The following GCSH variants were observed in gnomAD, a reference collection of about 807,000 sequenced individuals.
GCSH encodes glycine cleavage system H protein, mitochondrial.
GCSH carries 15 observed loss-of-function variants against 21.3 expected under a neutral mutation model. The observed-to-expected ratio is 0.70, with a 90% CI of 0.47 to 1.08. The LOEUF is 1.08. Among genes scored for constraint, GCSH ranks in the 50% least tolerant of loss-of-function variants. The probability of loss-of-function intolerance (pLI) is 0.00; values close to 1 mark genes in which losing one functional copy is unlikely to be tolerated. For synonymous variants in GCSH, 59 were observed against 84.5 expected, an observed-to-expected ratio of 0.70 and a Z score of 1.66; for missense variants, 179 against 217.5, an observed-to-expected ratio of 0.82 and a Z score of 1.11.
At chr16:81,094,133 C>T (rs953108644) in intron 1 of GCSH, among the ~76,000 whole-genome samples, 1 of 151,992 alleles carries the variant, frequency 6.6e-6, no homozygotes, top group Non-Finnish European at 1.5e-5. Flanking sequence ...CTCCTGACCT[C>T]AGGTGATCCG....
chr16:81,086,656 T>C (rs1972287035), intron 3 of GCSH, among the ~76,000 whole-genome samples: 2 of 137,506 alleles, frequency 1.5e-5, no homozygotes, highest in South Asian at 4.7e-4. Context: ...ATGACGAACA[T>C]GTCTCAAATC....
intron 1 of GCSH, among the ~76,000 whole-genome samples, chr16:81,093,368 G>A (rs934728600): frequency 6.6e-6 from 1 of 152,056 alleles, no homozygotes; most frequent in African/African-American, 2.4e-5. Flanking sequence ...TTGCCTACCT[G>A]TGAAGATAAT....
intron 1 of GCSH, among the ~76,000 whole-genome samples, chr16:81,094,976 C>A (rs932768238): frequency 6.6e-6 from 1 of 151,914 alleles, no homozygotes; most frequent in Non-Finnish European, 1.5e-5. Context: ...GCCAGTGAAC[C>A]CAGCTACTCG....
chr16:81,087,379 G>A (rs1054825344), intron 3 of GCSH, among the ~76,000 whole-genome samples: 1 of 151,992 alleles, frequency 6.6e-6, no homozygotes, highest in African/African-American at 2.4e-5. Flanking sequence ...AAAATTAGCT[G>A]GGCGTGGTGG....
chr16:81,088,573 A>G (rs1972331443), intron 2 of GCSH, among the ~76,000 whole-genome samples: 1 of 152,058 alleles, frequency 6.6e-6, no homozygotes, highest in Non-Finnish European at 1.5e-5. Context: ...TAATTTTTTA[A>G]AATTTTTTGC....
At chr16:81,094,178 G>A (rs574940371) in intron 1 of GCSH, among the ~76,000 whole-genome samples, 1 of 152,258 alleles carries the variant, frequency 6.6e-6, no homozygotes, top group South Asian at 2.1e-4. Flanking sequence ...GGGATTAAAG[G>A]CATGAGCCAC....
chr16:81,090,415 T>C (rs1189269678), intron 2 of GCSH, among the ~76,000 whole-genome samples, 186 bp downstream of exon 2: 3 of 151,542 alleles, frequency 2.0e-5, no homozygotes, highest in African/African-American at 4.9e-5. Context: ...AGAGACGGGG[T>C]CTCACTTTGT....
In GCSH at chr16:81,093,013, T is replaced by C. The variant is rs1244129061; in HGVS notation, c.149-2333A>G. On this transcript the variant is annotated intron_variant, in intron 1 of 4. Transcript: ENST00000315467. ...CAGGTGTAGTGGTACACGCCTATAATCCTAGCTACTTGGGAGGCTGAGGCA... is the reference window on the plus strand; with the variant it reads ...CAGGTGTAGTGGTACACGCCTATAACCCTAGCTACTTGGGAGGCTGAGGCA... Among the ~76,000 whole-genome samples, 11 of 151,666 alleles carry C rather than the reference T, an allele frequency of 7.3e-5. No homozygotes were observed. In the East Asian group the frequency reaches 2.1e-3, roughly 29 times the overall value.
chr16:81,093,462 G>A (rs1972439717), intron 1 of GCSH, among the ~76,000 whole-genome samples: 1 of 152,140 alleles, frequency 6.6e-6, no homozygotes, highest in Admixed American at 6.6e-5. Flanking sequence ...TTAACAAGGA[G>A]CAGTTAGTGT....
rs1009857601 is a variant in GCSH at position 81,087,605 on chromosome 16, T to C, written c.288A>G (p.Lys96=). ...SLPEVGTKLN[K]QDEFGALESV... ...TAAGATCCTAAGAACACTCACCTTG[T>C]TTGTTCAATTTTGTCCCAACTTCAG... The change falls in exon 3 of 5, where the codon AAA becomes AAG. Residue 96 remains lysine, a synonymous_variant. Transcript: ENST00000315467. The C allele has an allele frequency of 5.6e-6, 9 of 1,596,918 alleles. No homozygotes were observed. The highest frequency in any genetic ancestry group is 7.7e-6 in the Non-Finnish European group (9 of 1,164,938).
chr16:81,096,313 T>A lies in GCSH; in HGVS notation c.-35A>T, dbSNP rs1420443373. On this transcript the variant is annotated 5_prime_UTR_variant, in exon 1 of 5. Transcript: ENST00000315467. ...GGTGCGGGGGTCGCAGCGCTACGCC[T>A]CGGCCACCCGCGCCGGGAGGCGGGG... 2 of 1,347,592 alleles carry A rather than the reference T, an allele frequency of 1.5e-6. No homozygotes were observed. Among genetic ancestry groups the A allele is most frequent in the African/African-American group, 3.1e-5 (2 of 64,682 alleles). The allele number at this position is 1,347,592 out of a possible 1,614,324, so 83.5% of individuals were successfully genotyped here. A position where few individuals can be genotyped will look rare whatever the true frequency, so the allele number is the denominator to read the frequency against.
At chr16:81,083,251 C>A in intron 4 of GCSH, 1 of 386,934 alleles carries the variant, frequency 2.6e-6, no homozygotes, top group South Asian at 2.3e-5. Context: ...GGCACGGTGG[C>A]TCATGCCTGT....
At chr16:81,090,815 G>C (rs1972384183) in intron 1 of GCSH, 135 bp from the exon 2 acceptor site, 2 of 715,620 alleles carry the variant, frequency 2.8e-6, no homozygotes, top group South Asian at 1.5e-5. Context: ...ATAGTGCATG[G>C]CTCAGGAAAG....
At position 81,084,612 on chromosome 16, in the gene GCSH, T is replaced by G. The variant is rs777188515; in HGVS notation, c.293-18A>C. ...AAACTCATCTAAGTGGAAAAAAAAT[T>G]AAAGAAAACATGAAATGTTAAAAGT... is the stretch of plus-strand genomic sequence containing the variant. On this transcript the variant is annotated intron_variant, in intron 3 of 4. Coordinates refer to ENST00000315467, the MANE Select transcript of GCSH (RefSeq NM_004483.5). 1 of 1,585,870 alleles carries G rather than the reference T, an allele frequency of 6.3e-7. No individual in the cohort carries two copies. The highest frequency in any genetic ancestry group is 2.2e-5 in the East Asian group (1 of 44,526).
intron 3 of GCSH, among the ~76,000 whole-genome samples, chr16:81,085,533 G>C (rs1226615253): frequency 2.6e-5 from 4 of 152,126 alleles, no homozygotes; most frequent in African/African-American, 9.7e-5. Context: ...GAAAACTTTA[G>C]AATGTTCCAG....
At chr16:81,084,683 A>T in intron 3 of GCSH, 89 bp from the exon 4 acceptor site, 1 of 931,946 alleles carries the variant, frequency 1.1e-6, no homozygotes, top group Non-Finnish European at 1.7e-6. Context: ...TTCCTGTCAT[A>T]CAGCTATGAT....
intron 3 of GCSH, among the ~76,000 whole-genome samples, chr16:81,084,942 C>T (rs1352270890): frequency 2.0e-5 from 3 of 150,800 alleles, no homozygotes; most frequent in African/African-American, 7.3e-5. Context: ...GTCTCAATCT[C>T]CTGATGCCGT....
chr16:81,094,951 G>T (rs142512654), intron 1 of GCSH, among the ~76,000 whole-genome samples: 3 of 152,040 alleles, frequency 2.0e-5, no homozygotes, highest in Non-Finnish European at 2.9e-5. Context: ...AACTCAGCTG[G>T]AGGTGGTGAC....
chr16:81,084,051 T>C (rs907521336), intron 4 of GCSH: 6 of 268,844 alleles, frequency 2.2e-5, no homozygotes, highest in African/African-American at 6.7e-5. Flanking sequence ...TGGCTCACTA[T>C]AGACTGCAGC....
Sources: gnomAD v4.1 joint callset for allele counts (sites outside exome capture counted in the v4.1 genomes callset) on GRCh38, gnomAD v4.1.1 for gene constraint, MANE v1.5 for transcripts, NCBI Gene and HGNC (gene_info 2026-07-23, HGNC 2026-07-21) for gene names.